Variants in HIPK2 observed in about 807,000 individuals in gnomAD.
HIPK2 encodes homeodomain-interacting protein kinase 2.
Under a neutral mutation model 113.7 loss-of-function variants are expected in HIPK2, and 27 were observed. The observed-to-expected ratio is 0.24, with a 90% confidence interval of 0.17 to 0.33. HIPK2 has a LOEUF of 0.33. Among genes scored for constraint, HIPK2 ranks in the 10% least tolerant of loss-of-function variants. The pLI, the probability that HIPK2 is intolerant of heterozygous loss-of-function variation, is 1.00. For missense variants in HIPK2, 1,257 were observed against 1,588.0 expected (o/e 0.79, Z 3.54); for synonymous variants, 631 against 642.2 (o/e 0.98, Z 0.26).
At chr7:139,733,645 A>G (rs1795855808) in intron 1 of HIPK2, among the ~76,000 whole-genome samples, 1 of 152,252 alleles carries the variant, frequency 6.6e-6, no homozygotes, top group South Asian at 2.1e-4. Context: ...TTTAAAGGAT[A>G]AAGTGAGATA....
intron 11 of HIPK2, among the ~76,000 whole-genome samples, chr7:139,599,047 T>C (rs1019869090): frequency 2.0e-5 from 3 of 152,190 alleles, no homozygotes; most frequent in African/African-American, 7.2e-5. Context: ...GAAAAAGGCC[T>C]AGTTTCTGGT....
intron 2 of HIPK2, among the ~76,000 whole-genome samples, chr7:139,656,964 G>A (rs1395140083): frequency 6.6e-6 from 1 of 151,764 alleles, no homozygotes; most frequent in African/African-American, 2.4e-5. Flanking sequence ...TCCACCTCCC[G>A]GATTCAAGTG....
chr7:139,711,367 G>A (rs1307241637), intron 2 of HIPK2, among the ~76,000 whole-genome samples: 1 of 152,122 alleles, frequency 6.6e-6, no homozygotes, highest in East Asian at 1.9e-4. Context: ...GGCGGAGTTT[G>A]CAGTGAGTCG....
chr7:139,636,933 G>A (rs926536193), intron 2 of HIPK2, among the ~76,000 whole-genome samples: 2 of 152,150 alleles, frequency 1.3e-5, no homozygotes, highest in African/African-American at 4.8e-5. Context: ...ACGTCTAGAA[G>A]GGAACTATTC....
chr7:139,574,371 G>T (rs1278693950), intron 14 of HIPK2, among the ~76,000 whole-genome samples: 1 of 151,562 alleles, frequency 6.6e-6, no homozygotes, highest in Non-Finnish European at 1.5e-5. Context: ...ACAAGACCCT[G>T]TCTTAAAAAA....
intron 2 of HIPK2, among the ~76,000 whole-genome samples, chr7:139,641,871 C>T (rs1166757154): frequency 2.6e-5 from 4 of 152,336 alleles, no homozygotes; most frequent in South Asian, 2.1e-4. Flanking sequence ...CTAATCGGAG[C>T]GCACAGGCGG....
chr7:139,586,377 T>G (rs969157287), intron 12 of HIPK2, among the ~76,000 whole-genome samples: 1 of 151,962 alleles, frequency 6.6e-6, no homozygotes, highest in Non-Finnish European at 1.5e-5. Flanking sequence ...GCAGCACTAT[T>G]CAAAATACCA....
intron 2 of HIPK2, among the ~76,000 whole-genome samples, chr7:139,646,426 G>A (rs763020222): frequency 1.3e-5 from 2 of 151,498 alleles, no homozygotes; most frequent in Non-Finnish European, 2.9e-5. Flanking sequence ...CATAAGCCTG[G>A]GAAGTCGAGG....
intron 10 of HIPK2, among the ~76,000 whole-genome samples, chr7:139,601,040 T>G (rs943342154): frequency 6.6e-6 from 1 of 152,156 alleles, no homozygotes; most frequent in African/African-American, 2.4e-5. Context: ...CTCAAGAGTT[T>G]GAGACCAGCC....
At chr7:139,626,063 G>A (rs1800415508) in intron 6 of HIPK2, among the ~76,000 whole-genome samples, 1 of 151,966 alleles carries the variant, frequency 6.6e-6, no homozygotes, top group South Asian at 2.1e-4. Flanking sequence ...TGCAGGCCAG[G>A]GACCCAGTCC....
intron 1 of HIPK2, among the ~76,000 whole-genome samples, chr7:139,761,107 T>C (rs1473037377): frequency 6.6e-6 from 1 of 152,152 alleles, no homozygotes; most frequent in Non-Finnish European, 1.5e-5. Flanking sequence ...ACTGTGAAAG[T>C]TAATGGGGAA....
At chr7:139,755,263 T>C (rs1394944095) in intron 1 of HIPK2, among the ~76,000 whole-genome samples, 1 of 152,184 alleles carries the variant, frequency 6.6e-6, no homozygotes, top group Non-Finnish European at 1.5e-5. Context: ...CCTAGAACTG[T>C]GGCAGCCATC....
chr7:139,572,863 CCTT>C lies in HIPK2; in HGVS notation c.*61_*63del, dbSNP rs1798340554. On this transcript the variant is annotated 3_prime_UTR_variant, in exon 15 of 15. Transcript: ENST00000406875. ...CCCACGGTCCCAGGAGCGCCTCCCT[CCTT>C]CTCTCCCTCCTCCCTCGGGCCATTC... The C allele has an allele frequency of 2.2e-6, 3 of 1,389,100 alleles. No individual in the cohort carries two copies. The highest frequency in any genetic ancestry group is 2.9e-5 in the Admixed American group (1 of 34,554). The allele number at this position is 1,389,100 out of a possible 1,614,324, so 86.0% of individuals were successfully genotyped here. A position where few individuals can be genotyped will look rare whatever the true frequency, so the allele number is the denominator to read the frequency against.
At chr7:139,664,363 C>T (rs941924703) in intron 2 of HIPK2, among the ~76,000 whole-genome samples, 4 of 152,074 alleles carry the variant, frequency 2.6e-5, no homozygotes, top group Admixed American at 1.3e-4. Flanking sequence ...CACGGCAAAA[C>T]CCCATCTCTA....
At chr7:139,586,102 A>G (rs1029317927) in intron 12 of HIPK2, among the ~76,000 whole-genome samples, 2 of 152,234 alleles carry the variant, frequency 1.3e-5, no homozygotes, top group African/African-American at 4.8e-5. Flanking sequence ...GATGAATCGT[A>G]CAGATGATAA....
Position 139,563,541 on chromosome 7 carries a change from T to C in HIPK2, c.*9386A>G, listed in dbSNP as rs571719679. On this transcript the variant is annotated 3_prime_UTR_variant, in exon 15 of 15. Transcript: ENST00000406875. ...CTTTTTCAGATACAACATACTTACT[T>C]TTCAAATGAACAAAAGGCAATTTCT... 15 of 289,810 alleles carry C rather than the reference T, an allele frequency of 5.2e-5. No homozygotes were observed. In the Admixed American group the frequency reaches 7.8e-4, roughly 15 times the overall value. 18.0% of individuals were successfully genotyped at this position (289,810 alleles called of 1,614,324 possible).
chr7:139,714,905 T>C lies in HIPK2; in HGVS notation c.1103+1027A>G, dbSNP rs1261024335. 6.6e-6 allele frequency among the ~76,000 whole-genome samples: 1 copy of C among 152,192 alleles called. No homozygotes were observed. Among genetic ancestry groups the C allele is most frequent in the Non-Finnish European group, 1.5e-5 (1 of 68,022 alleles). On this transcript the variant is annotated intron_variant, in intron 2 of 14. Coordinates refer to ENST00000406875, the MANE Select transcript of HIPK2 (RefSeq NM_022740.5). This position sits in a 1 kb window ranked among gnomAD's most constrained non-coding sequence, Gnocchi z 4.2. Reference sequence around the variant, plus strand: ...ACACACCTAAGCCATGTTACAGCCATGTTACCTCCCAGCTGCCCACGAGGC... The same window carrying C: ...ACACACCTAAGCCATGTTACAGCCACGTTACCTCCCAGCTGCCCACGAGGC...
intron 1 of HIPK2, among the ~76,000 whole-genome samples, chr7:139,740,474 C>T (rs1796068879): frequency 6.6e-6 from 1 of 152,194 alleles, no homozygotes. Flanking sequence ...CTCACCAGGG[C>T]AAAGCTGTCT....
intron 1 of HIPK2, among the ~76,000 whole-genome samples, chr7:139,719,489 G>A (rs191816368): frequency 9.3e-4 from 142 of 152,256 alleles, no homozygotes; most frequent in African/African-American, 3.2e-3. Context: ...AGTTTAAGCC[G>A]TCACCTCTGT....
Sources: gnomAD v4.1 joint callset for allele counts (sites outside exome capture counted in the v4.1 genomes callset) on GRCh38, gnomAD v4.1.1 for gene constraint, Gnocchi (gnomAD v3.1) non-coding constraint, MANE v1.5 for transcripts, NCBI Gene and HGNC (gene_info 2026-07-23, HGNC 2026-07-21) for gene names.